Variants in ZMYM1 observed in about 807,000 individuals in gnomAD.
ZMYM1 encodes zinc finger MYM-type containing 1.
ZMYM1 carries 39 observed loss-of-function variants against 60.0 expected under a neutral mutation model. The ratio of observed to expected loss-of-function variants is 0.65; its 90% CI spans 0.50 to 0.85. The LOEUF (loss-of-function observed/expected upper bound fraction) is 0.85, where lower values mean the gene tolerates loss of function less well. ZMYM1 is among the 40% of genes least tolerant of loss of function. ZMYM1 has a pLI of 0.00. For missense variants in ZMYM1, 1,171 were observed against 1,309.5 expected, an observed-to-expected ratio of 0.89 and a Z score of 1.63; for synonymous variants, 413 against 454.0, an observed-to-expected ratio of 0.91 and a Z score of 1.15.
At chr1:35,091,887 C>CAA (rs779081046) in intron 1 of ZMYM1, among the ~76,000 whole-genome samples, 2,875 of 83,440 alleles carry the variant, frequency 0.034, 100 homozygotes, top group African/African-American at 0.064. Flanking sequence ...GATCTTGTCT[C>CAA]AAAAAAAAAA....
At chr1:35,104,192 A>G (rs1230820707) in intron 4 of ZMYM1, 103 bp from the exon 5 acceptor site, 2 of 1,078,214 alleles carry the variant, frequency 1.9e-6, no homozygotes, top group Non-Finnish European at 2.6e-6. Context: ...TTCTTATTTC[A>G]AGGCTAATGT....
chr1:35,088,448 A>ATG (rs1388918146), intron 1 of ZMYM1, among the ~76,000 whole-genome samples: 42 of 113,672 alleles, frequency 3.7e-4, no homozygotes, highest in South Asian at 5.8e-4. Context: ...ATATATATAT[A>ATG]TATATATGTG....
At chr1:35,082,925 G>A (rs184308098) in intron 1 of ZMYM1, among the ~76,000 whole-genome samples, 215 of 152,128 alleles carry the variant, frequency 1.4e-3, no homozygotes, top group Middle Eastern at 6.8e-3. Flanking sequence ...AGGTTGCAGT[G>A]ACCTGAGATT....
intron 1 of ZMYM1, among the ~76,000 whole-genome samples, chr1:35,061,820 T>TTTTA (rs200627689): frequency 7.8e-4 from 113 of 145,644 alleles, no homozygotes; most frequent in South Asian, 2.4e-3. Flanking sequence ...TCCCTTTTAT[T>TTTTA]TTTATTTATT....
chr1:35,063,222 G>A (rs1196272122), intron 1 of ZMYM1, among the ~76,000 whole-genome samples: 1 of 151,800 alleles, frequency 6.6e-6, no homozygotes, highest in African/African-American at 2.4e-5. Flanking sequence ...AGATTCCTGG[G>A]CTCCAGTGGT....
chr1:35,073,239 C>A (rs1430149284), intron 1 of ZMYM1, among the ~76,000 whole-genome samples: 1 of 89,242 alleles, frequency 1.1e-5, no homozygotes, highest in Non-Finnish European at 2.0e-5. Flanking sequence ...GGTAACAGAG[C>A]AACACTCTGT....
At chr1:35,110,924 A>G (rs1644066274) in intron 7 of ZMYM1, among the ~76,000 whole-genome samples, 1 of 151,970 alleles carries the variant, frequency 6.6e-6, no homozygotes. Flanking sequence ...ACAGAGTGAG[A>G]CTCCATCTCA....
At chr1:35,092,690 C>T (rs771847857) in intron 1 of ZMYM1, among the ~76,000 whole-genome samples, 28 of 151,818 alleles carry the variant, frequency 1.8e-4, no homozygotes, top group Non-Finnish European at 3.4e-4. Flanking sequence ...TGCAATGGCG[C>T]GATCTTGGCC....
chr1:35,079,837 C>T (rs1642275821), intron 1 of ZMYM1, among the ~76,000 whole-genome samples: 2 of 152,228 alleles, frequency 1.3e-5, no homozygotes, highest in African/African-American at 4.8e-5. Flanking sequence ...CCTGGCCGGG[C>T]GTGGTGCCTC....
chr1:35,106,040 G>C (rs557706738), intron 6 of ZMYM1, among the ~76,000 whole-genome samples: 1 of 152,250 alleles, frequency 6.6e-6, no homozygotes, highest in East Asian at 1.9e-4. Context: ...AGGTTCAGTT[G>C]AGCCAGGAGT....
chr1:35,089,257 A>G (rs1642855512), intron 1 of ZMYM1, among the ~76,000 whole-genome samples: 1 of 152,320 alleles, frequency 6.6e-6, no homozygotes, highest in Admixed American at 6.5e-5. Context: ...GCCACTGCAC[A>G]AAACTCGGTG....
In ZMYM1 at chr1:35,113,493, A is replaced by G. The variant is rs1420268165; in HGVS notation, c.1663A>G (p.Lys555Glu). 2 of 1,610,792 alleles carry G rather than the reference A, an allele frequency of 1.2e-6. No homozygotes were observed. Among genetic ancestry groups the G allele is most frequent in the African/African-American group, 1.3e-5 (1 of 74,666 alleles). The part of the protein sequence containing the change: ...KQIEGNKKYL[K>E]LIIENILFLG... ...GATTGAGGGAAATAAAAAGTACCTA[A>G]AGCTTATAATTGAAAATATTTTATT... Residue 555 changes from lysine (K) to glutamate (E), a missense_variant, in exon 10 of 10, where the codon AAG becomes GAG. By Grantham distance (56) the Lys-to-Glu change is moderately conservative. Coordinates refer to ENST00000359858, the MANE Select transcript of ZMYM1 (RefSeq NM_024772.5).
intron 1 of ZMYM1, among the ~76,000 whole-genome samples, chr1:35,091,904 A>G (rs1236026737): frequency 6.6e-6 from 1 of 151,230 alleles, no homozygotes; most frequent in African/African-American, 2.4e-5. Flanking sequence ...AAAAAAAAAA[A>G]AAAAAGAGAA....
At chr1:35,060,155 A>ATTATTG (rs1156427128) in intron 1 of ZMYM1, among the ~76,000 whole-genome samples, 2 of 134,298 alleles carry the variant, frequency 1.5e-5, no homozygotes, top group Non-Finnish European at 3.0e-5. Flanking sequence ...TATTATTATT[A>ATTATTG]TTATTATTAT....
At chr1:35,081,889 G>T (rs1365769848) in intron 1 of ZMYM1, among the ~76,000 whole-genome samples, 4 of 152,038 alleles carry the variant, frequency 2.6e-5, no homozygotes, top group Non-Finnish European at 5.9e-5. Flanking sequence ...GTAGATACGG[G>T]TTTCACCATG....
chr1:35,114,510 G>C lies in ZMYM1; in HGVS notation c.2680G>C (p.Glu894Gln). 1 of 1,610,576 alleles carries C rather than the reference G, an allele frequency of 6.2e-7. No individual in the cohort carries two copies. The highest frequency in any genetic ancestry group is 8.5e-7 in the Non-Finnish European group (1 of 1,178,326). The part of the protein sequence containing the change: ...IDIFSLSSKI[E>Q]AILECLSSER... ...CATTTTTTCTTTGTCTTCAAAAATA[G>C]AAGCAATTTTGGAATGTTTATCATC... The change falls in exon 10 of 10, where the codon GAA (glutamate) becomes CAA (glutamine). Residue 894 changes from glutamate (E) to glutamine (Q), a missense_variant. By Grantham distance (29) the Glu-to-Gln change is conservative (BLOSUM62 2). Transcript: ENST00000359858.
intron 6 of ZMYM1, among the ~76,000 whole-genome samples, chr1:35,106,922 G>A (rs1441342821): frequency 1.3e-5 from 2 of 151,632 alleles, no homozygotes; most frequent in Admixed American, 1.3e-4. Flanking sequence ...CGCAATCTCA[G>A]CTCACTGCAA....
intron 3 of ZMYM1, among the ~76,000 whole-genome samples, chr1:35,096,299 G>A (rs564096182): frequency 3.5e-4 from 53 of 149,314 alleles, no homozygotes; most frequent in African/African-American, 1.2e-3. Context: ...GCAACAGAGC[G>A]AGACTCTGTC....
chr1:35,066,724 C>A (rs770819939), intron 1 of ZMYM1, among the ~76,000 whole-genome samples: 2 of 152,054 alleles, frequency 1.3e-5, no homozygotes, highest in Non-Finnish European at 2.9e-5. Context: ...CAATCAAAAT[C>A]TCAGCAAAGG....
Sources: allele counts gnomAD v4.1 joint callset (sites outside exome capture counted in the v4.1 genomes callset), GRCh38; gene constraint gnomAD v4.1.1; transcripts MANE v1.5; gene names NCBI Gene and HGNC (gene_info 2026-07-23, HGNC 2026-07-21).